Variants in SDK1 observed in about 807,000 individuals in gnomAD.
SDK1 encodes sidekick cell adhesion molecule 1.
SDK1 carries 157 observed loss-of-function variants against 245.5 expected under a neutral mutation model. The ratio of observed to expected loss-of-function variants is 0.64; its 90% CI spans 0.56 to 0.73. The LOEUF is 0.73. Among genes scored for constraint, SDK1 ranks in the 30% least tolerant of loss-of-function variants. SDK1 has a pLI of 0.00. For missense variants in SDK1, 3,583 were observed against 3,002.3 expected (o/e 1.19, Z -4.52); for synonymous variants, 1,647 against 1,278.5 (o/e 1.29, Z -6.15).
intron 4 of SDK1, among the ~76,000 whole-genome samples, chr7:3,648,734 T>C (rs1449004215): frequency 6.6e-6 from 1 of 152,234 alleles, no homozygotes; most frequent in African/African-American, 2.4e-5. Flanking sequence ...AATTTTATAT[T>C]TTATAGGCAT....
intron 4 of SDK1, among the ~76,000 whole-genome samples, chr7:3,655,202 G>T (rs1783124293): frequency 6.6e-6 from 1 of 151,488 alleles, no homozygotes; most frequent in African/African-American, 2.4e-5. Context: ...GGGAGGCTGA[G>T]GCAGGCAGAT....
chr7:3,379,334 C>T (rs73050558), intron 1 of SDK1, among the ~76,000 whole-genome samples: 18,766 of 152,010 alleles, frequency 0.12, 1,420 homozygotes, highest in African/African-American at 0.21. Flanking sequence ...AGTTGCCCTG[C>T]GCTGAGGGGG....
intron 1 of SDK1, among the ~76,000 whole-genome samples, chr7:3,443,716 T>G (rs1206733598): frequency 6.6e-6 from 1 of 152,234 alleles, no homozygotes; most frequent in Non-Finnish European, 1.5e-5. Context: ...TAAATTCAGC[T>G]CTGAGTGACC....
intron 1 of SDK1, among the ~76,000 whole-genome samples, chr7:3,552,537 A>G (rs1206494998): frequency 6.6e-6 from 1 of 152,220 alleles, no homozygotes; most frequent in Non-Finnish European, 1.5e-5. Context: ...TTTATGATCC[A>G]TATTTTTTCC....
At chr7:3,632,793 A>G (rs1279220607) in intron 2 of SDK1, among the ~76,000 whole-genome samples, 1 of 152,132 alleles carries the variant, frequency 6.6e-6, no homozygotes, top group African/African-American at 2.4e-5. Flanking sequence ...TACACCATCA[A>G]AGTCACATAT....
chr7:4,049,196 TA>T, intron 17 of SDK1, 151 bp from the exon 18 acceptor site: 1 of 614,202 alleles, frequency 1.6e-6, no homozygotes, highest in Non-Finnish European at 2.9e-6. Context: ...AATGCCACTG[TA>T]AGCTTCCCAA....
intron 4 of SDK1, among the ~76,000 whole-genome samples, chr7:3,753,293 A>T (rs1281723426): frequency 6.6e-6 from 1 of 152,238 alleles, no homozygotes; most frequent in East Asian, 1.9e-4. Flanking sequence ...TTGCTATTAA[A>T]GCCATTAATT....
chr7:3,711,133 A>G (rs917759174), intron 4 of SDK1, among the ~76,000 whole-genome samples: 5 of 152,234 alleles, frequency 3.3e-5, no homozygotes, highest in African/African-American at 1.2e-4. Flanking sequence ...TATTTAAGAA[A>G]GTTGACACAC....
chr7:3,521,741 G>T (rs1485290686), intron 1 of SDK1, among the ~76,000 whole-genome samples: 1 of 152,134 alleles, frequency 6.6e-6, no homozygotes, highest in South Asian at 2.1e-4. Context: ...GATTGGGCCT[G>T]ATGTGTTTAA....
chr7:3,586,232 TC>T (rs2128634213), intron 1 of SDK1, among the ~76,000 whole-genome samples: 1 of 151,922 alleles, frequency 6.6e-6, no homozygotes, highest in South Asian at 2.1e-4. Context: ...AGGATTTAAG[TC>T]ATACAAAATG....
At chr7:3,581,368 A>T (rs1583191163) in intron 1 of SDK1, among the ~76,000 whole-genome samples, 1 of 152,360 alleles carries the variant, frequency 6.6e-6, no homozygotes, top group East Asian at 1.9e-4. Flanking sequence ...TCAAAAGAAG[A>T]CATATGCAGC....
chr7:3,923,918 T>A (rs1779679917), intron 5 of SDK1, among the ~76,000 whole-genome samples: 1 of 152,166 alleles, frequency 6.6e-6, no homozygotes, highest in Non-Finnish European at 1.5e-5. Flanking sequence ...AGCCTCTCCC[T>A]TAGACAGGGC....
intron 1 of SDK1, among the ~76,000 whole-genome samples, chr7:3,311,382 A>G (rs1257278486): frequency 1.3e-5 from 2 of 152,118 alleles, no homozygotes; most frequent in Admixed American, 6.5e-5. Context: ...GCTCAATCTC[A>G]CTGGAGTTCT....
At chr7:3,700,773 A>T (rs940733180) in intron 4 of SDK1, among the ~76,000 whole-genome samples, 1 of 152,214 alleles carries the variant, frequency 6.6e-6, no homozygotes, top group Non-Finnish European at 1.5e-5. Context: ...AAGTCGATTC[A>T]TCTATACTTT....
chr7:3,882,217 A>T (rs1562510663), intron 5 of SDK1, among the ~76,000 whole-genome samples: 1 of 152,044 alleles, frequency 6.6e-6, no homozygotes, highest in Non-Finnish European at 1.5e-5. Flanking sequence ...CCTCCAAAAC[A>T]CGTGGGAATT....
intron 25 of SDK1, among the ~76,000 whole-genome samples, chr7:4,121,279 T>C (rs1479898823): frequency 6.6e-6 from 1 of 152,210 alleles, no homozygotes; most frequent in Non-Finnish European, 1.5e-5. Flanking sequence ...TGTATGGTGA[T>C]ACGGTTTGGC....
intron 13 of SDK1, among the ~76,000 whole-genome samples, chr7:3,985,626 A>G (rs1456545305): frequency 1.3e-5 from 2 of 152,208 alleles, no homozygotes; most frequent in African/African-American, 4.8e-5. Flanking sequence ...CTGTCTATAC[A>G]AAAAATAAAT....
intron 32 of SDK1, among the ~76,000 whole-genome samples, chr7:4,173,222 A>T (rs1379885130): frequency 6.6e-6 from 1 of 152,158 alleles, no homozygotes; most frequent in South Asian, 2.1e-4. Context: ...CTTATCCCTC[A>T]TCTGAGTATC....
chr7:3,721,239 A>G (rs757313896), intron 4 of SDK1, among the ~76,000 whole-genome samples: 10 of 152,142 alleles, frequency 6.6e-5, no homozygotes, highest in Non-Finnish European at 1.3e-4. Flanking sequence ...CATAGAGTGT[A>G]TTTACACCCA....
Sources: gnomAD v4.1 joint callset for allele counts (sites outside exome capture counted in the v4.1 genomes callset) on GRCh38, gnomAD v4.1.1 for gene constraint, MANE v1.5 for transcripts, NCBI Gene and HGNC (gene_info 2026-07-23, HGNC 2026-07-21) for gene names.